The following SNX18 variants were observed in gnomAD, a reference collection of about 807,000 sequenced individuals.
SNX18 encodes sorting nexin 18.
In SNX18, 35 loss-of-function variants were observed where a neutral mutation model predicts 48.7. The observed-to-expected ratio is 0.72, with a 90% CI of 0.55 to 0.95. SNX18 has a LOEUF of 0.95. SNX18 is among the 40% of genes least tolerant of loss of function. The pLI is 0.00. For synonymous variants in SNX18, 492 were observed against 384.7 expected (o/e 1.28, Z -3.26); for missense variants, 824 against 871.0 (o/e 0.95, Z 0.68).
the SNX18 span, among the ~76,000 whole-genome samples, chr5:54,604,095 C>T: frequency 3.3e-5 from 5 of 152,154 alleles, no homozygotes; most frequent in African/African-American, 4.8e-5. Context: ...TCCCTGCTCT[C>T]GTGAAGGTTT....
the SNX18 span, among the ~76,000 whole-genome samples, chr5:54,579,816 A>G: frequency 0.13 from 19,698 of 152,244 alleles, 1,545 homozygotes; most frequent in African/African-American, 0.22. Context: ...TGGCCTTAGG[A>G]ATATTGCAAA....
chr5:54,569,397 A>G, the SNX18 span, among the ~76,000 whole-genome samples: 1 of 152,200 alleles, frequency 6.6e-6, no homozygotes, highest in South Asian at 2.1e-4. Context: ...CACAAAACCA[A>G]CCTAAAATGT....
At chr5:54,539,862 G>GT (rs1762431645) in intron 1 of SNX18, among the ~76,000 whole-genome samples, 1 of 151,890 alleles carries the variant, frequency 6.6e-6, no homozygotes, top group Non-Finnish European at 1.5e-5. Context: ...CTTGTTTTTT[G>GT]TTTGTTTTGT....
chr5:54,567,758 G>C, the SNX18 span, among the ~76,000 whole-genome samples: 1 of 152,184 alleles, frequency 6.6e-6, no homozygotes, highest in Non-Finnish European at 1.5e-5. Flanking sequence ...TACAGTGATG[G>C]TGCCCTGGAG....
the SNX18 span, among the ~76,000 whole-genome samples, chr5:54,598,642 T>C: frequency 1.3e-5 from 2 of 152,144 alleles, no homozygotes; most frequent in Non-Finnish European, 2.9e-5. Context: ...CACATGATTA[T>C]CTCAATAGAC....
the SNX18 span, among the ~76,000 whole-genome samples, chr5:54,557,142 G>T: frequency 0.72 from 109,273 of 152,080 alleles, 39,926 homozygotes; most frequent in Non-Finnish European, 0.79. Flanking sequence ...ATTCATAAAA[G>T]AGTATTCTAA....
the SNX18 span, among the ~76,000 whole-genome samples, chr5:54,607,661 T>C: frequency 1.8e-4 from 28 of 152,168 alleles, no homozygotes; most frequent in African/African-American, 6.3e-4. Context: ...GGCCAGGCAC[T>C]GTGGCTCATG....
the SNX18 span, among the ~76,000 whole-genome samples, chr5:54,629,788 GTCTT>G: frequency 1.3e-5 from 2 of 152,122 alleles, no homozygotes; most frequent in African/African-American, 4.8e-5. Flanking sequence ...TGGATATCTC[GTCTT>G]TCTTATAGAT....
chr5:54,533,148 CT>C (rs548502860), intron 1 of SNX18, among the ~76,000 whole-genome samples: 1 of 152,166 alleles, frequency 6.6e-6, no homozygotes, highest in Non-Finnish European at 1.5e-5. Context: ...TCTTGATCCT[CT>C]TCCCTCCTTT....
chr5:54,554,123 C>T, the SNX18 span, among the ~76,000 whole-genome samples: 3 of 152,332 alleles, frequency 2.0e-5, no homozygotes, highest in East Asian at 5.8e-4. Flanking sequence ...TTGAACCTTT[C>T]TTCTGCTTCC....
chr5:54,585,009 A>C, the SNX18 span, among the ~76,000 whole-genome samples: 2 of 152,192 alleles, frequency 1.3e-5, no homozygotes, highest in Non-Finnish European at 2.9e-5. Context: ...GTAGGATCAC[A>C]GGCCAGGCAT....
chr5:54,567,337 GGA>G, the SNX18 span, among the ~76,000 whole-genome samples: 1 of 151,896 alleles, frequency 6.6e-6, no homozygotes, highest in Admixed American at 6.6e-5. Context: ...TTCTGGCCCA[GGA>G]AAGGTTGGTG....
the SNX18 span, among the ~76,000 whole-genome samples, chr5:54,568,953 C>T: frequency 6.6e-6 from 1 of 151,270 alleles, no homozygotes; most frequent in African/African-American, 2.4e-5. Context: ...AGCCATTCTC[C>T]TACCTCAGCT....
At chr5:54,536,864 T>TA (rs1762367582) in intron 1 of SNX18, among the ~76,000 whole-genome samples, 1 of 152,230 alleles carries the variant, frequency 6.6e-6, no homozygotes, top group Non-Finnish European at 1.5e-5. Flanking sequence ...AAAGTGTTCC[T>TA]ATTTCTCCAC....
At chr5:54,647,969 C>T in the SNX18 span, among the ~76,000 whole-genome samples, 4 of 149,650 alleles carry the variant, frequency 2.7e-5, no homozygotes, top group Non-Finnish European at 5.9e-5. Flanking sequence ...CTGGTGTGTG[C>T]GGAATTGGTG....
At chr5:54,627,193 CAAT>C in the SNX18 span, among the ~76,000 whole-genome samples, 1 of 152,142 alleles carries the variant, frequency 6.6e-6, no homozygotes, top group Non-Finnish European at 1.5e-5. Context: ...CTGATTTTAA[CAAT>C]GAGGGACTTT....
downstream of SNX18, among the ~76,000 whole-genome samples, chr5:54,551,003 T>C (rs566707385): frequency 1.9e-4 from 29 of 152,144 alleles, no homozygotes; most frequent in South Asian, 5.6e-3. Flanking sequence ...TATTATCTCT[T>C]TTGAATATAA....
At chr5:54,638,447 G>A in the SNX18 span, among the ~76,000 whole-genome samples, 1 of 152,188 alleles carries the variant, frequency 6.6e-6, no homozygotes, top group Non-Finnish European at 1.5e-5. Flanking sequence ...GTCACACTAT[G>A]CCTCATCTTT....
chr5:54,638,713 AATCT>A, the SNX18 span, among the ~76,000 whole-genome samples: 1 of 152,226 alleles, frequency 6.6e-6, no homozygotes, highest in South Asian at 2.1e-4. Context: ...GCCTCATAAC[AATCT>A]TACAAGATAT....
Sources: gnomAD v4.1 joint callset for allele counts (sites outside exome capture counted in the v4.1 genomes callset) on GRCh38, gnomAD v4.1.1 for gene constraint, MANE v1.5 for transcripts, NCBI Gene and HGNC (gene_info 2026-07-23, HGNC 2026-07-21) for gene names.